The following KIF1B variants were observed in gnomAD, a reference collection of about 807,000 sequenced individuals.
The protein encoded by KIF1B is kinesin-like protein KIF1B.
In KIF1B, 76 loss-of-function variants were observed where a neutral mutation model predicts 241.9. The observed-to-expected ratio is 0.31, with a 90% CI of 0.26 to 0.38. KIF1B has a LOEUF of 0.38. KIF1B is among the 10% of genes least tolerant of loss of function. The pLI, the probability that KIF1B is intolerant of heterozygous loss-of-function variation, is 1.00. For synonymous variants in KIF1B, 750 were observed against 796.7 expected (o/e 0.94, Z 0.99); for missense variants, 1,622 against 2,271.4 (o/e 0.71, Z 5.81).
intron 18 of KIF1B, 74 bp from the exon 19 acceptor site, chr1:10,295,586 G>A: frequency 7.6e-7 from 1 of 1,313,802 alleles, no homozygotes; most frequent in Non-Finnish European, 1.1e-6. Context: ...ATATTCTTTG[G>A]AATAAAGAGG....
At chr1:10,211,857 C>G (rs1482816454) in intron 1 of KIF1B, 1 of 152,026 alleles carries the variant, frequency 6.6e-6, no homozygotes, top group African/African-American at 2.4e-5. Flanking sequence ...GTGCATAGGC[C>G]GATCTGAGAA....
chr1:10,336,741 A>T lies in KIF1B; in HGVS notation c.3128A>T (p.Gln1043Leu). 6.2e-7 allele frequency: 1 copy of T among 1,608,816 alleles called. No individual in the cohort carries two copies. Among genetic ancestry groups the T allele is most frequent in the Non-Finnish European group, 8.5e-7 (1 of 1,175,162 alleles). Residue 1043 changes from glutamine (Q) to leucine (L), a missense_variant and splice_region_variant, in exon 29 of 49, where the codon CAG becomes CTG. Physicochemically the swap from Gln to Leu is moderately radical, Grantham distance 113. Around this residue, in one of 7 missense-constraint regions of KIF1B, gnomAD observed 803 missense variants for 1,112.0 expected, o/e 0.72. Transcript: ENST00000676179. ...TCTTTTGATAATGAATACTTTAATC[A>T]GGTGAGAAACCGTCAGGAAGAAGGA... ...KISFDNEYFN[Q>L]SDFSSVAMTR... is the part of the protein sequence containing the mutation.
Position 10,339,776 on chromosome 1 carries a change from C to T in KIF1B, c.3430C>T (p.His1144Tyr), listed in dbSNP as rs1230762716. The change falls in exon 32 of 49, where the codon CAT becomes TAT. Residue 1144 changes from histidine (H) to tyrosine (Y), a missense_variant. Physicochemically the swap from His to Tyr is moderately conservative, Grantham distance 83. Around this residue, in one of 7 missense-constraint regions of KIF1B, gnomAD observed 803 missense variants for 1,112.0 expected, o/e 0.72. Coordinates refer to ENST00000676179, the MANE Select transcript of KIF1B (RefSeq NM_001365951.3). ...ADIFCQFNFL[H>Y]RHDEAFSTEP... is the part of the protein sequence containing the mutation. Reference sequence around the variant, plus strand: ...TTTATTTTTTTTATGAAGCTTTTTGCATCGCCATGATGAAGCATTCTCCAC... The same window carrying T: ...TTTATTTTTTTTATGAAGCTTTTTGTATCGCCATGATGAAGCATTCTCCAC... 6.2e-7 allele frequency: 1 copy of T among 1,613,694 alleles called. No individual in the cohort carries two copies. The highest frequency in any genetic ancestry group is 8.5e-7 in the Non-Finnish European group (1 of 1,179,752).
chr1:10,340,562 T>C (rs1297848552), intron 32 of KIF1B, among the ~76,000 whole-genome samples: 1 of 152,224 alleles, frequency 6.6e-6, no homozygotes, highest in Non-Finnish European at 1.5e-5. Context: ...AAGTCACTCA[T>C]CAGGCTGGGC....
intron 34 of KIF1B, among the ~76,000 whole-genome samples, chr1:10,344,039 C>A (rs187739312): frequency 6.6e-6 from 1 of 152,300 alleles, no homozygotes; most frequent in Admixed American, 6.5e-5. Flanking sequence ...TCCCACCCCA[C>A]CCTGTGCTCA....
chr1:10,311,911 A>G (rs1651084076), intron 22 of KIF1B, among the ~76,000 whole-genome samples: 1 of 151,476 alleles, frequency 6.6e-6, no homozygotes, highest in Non-Finnish European at 1.5e-5. Flanking sequence ...GTTTTGACTC[A>G]TTGAGTCCTC....
intron 48 of KIF1B, 46 bp from the exon 49 acceptor site, chr1:10,376,499 C>G (rs1395887280): frequency 1.5e-5 from 24 of 1,595,774 alleles, no homozygotes; most frequent in Non-Finnish European, 2.1e-5. Flanking sequence ...GGGGACAAGA[C>G]TTGTACCCAG....
At chr1:10,215,172 A>ATATTT (rs1377684765) in intron 1 of KIF1B, among the ~76,000 whole-genome samples, 8 of 45,360 alleles carry the variant, frequency 1.8e-4, no homozygotes, top group African/African-American at 8.0e-4. Flanking sequence ...ATATATATAT[A>ATATTT]TTTTTTTTTT....
At chr1:10,282,669 T>C in intron 15 of KIF1B, 136 bp downstream of exon 15, 2 of 772,366 alleles carry the variant, frequency 2.6e-6, no homozygotes, top group Non-Finnish European at 2.2e-6. Flanking sequence ...AAAATTGAAT[T>C]TTGTGCTTTG....
At chr1:10,311,415 G>C (rs1475137940) in intron 22 of KIF1B, among the ~76,000 whole-genome samples, 3 of 151,188 alleles carry the variant, frequency 2.0e-5, no homozygotes, top group Non-Finnish European at 4.4e-5. Context: ...GTCTCACCAT[G>C]TTGGCTAGGC....
intron 5 of KIF1B, among the ~76,000 whole-genome samples, chr1:10,263,466 G>A (rs186518950): frequency 1.3e-5 from 2 of 152,006 alleles, no homozygotes; most frequent in Non-Finnish European, 2.9e-5. Context: ...GCGATCTTGA[G>A]ATTTTTTTTC....
chr1:10,285,064 G>A (rs1300030016), intron 15 of KIF1B, among the ~76,000 whole-genome samples: 3 of 152,126 alleles, frequency 2.0e-5, no homozygotes, highest in East Asian at 1.9e-4. Flanking sequence ...AAGAGGAGTG[G>A]TAAGACTCCA....
At chr1:10,252,175 G>A (rs1647487719) in intron 2 of KIF1B, among the ~76,000 whole-genome samples, 2 of 152,046 alleles carry the variant, frequency 1.3e-5, no homozygotes, top group South Asian at 4.2e-4. Flanking sequence ...AAGTAGCTGG[G>A]ATTACAGGTG....
At chr1:10,289,976 T>G (rs1387260236) in intron 15 of KIF1B, among the ~76,000 whole-genome samples, 3 of 152,104 alleles carry the variant, frequency 2.0e-5, no homozygotes, top group African/African-American at 4.8e-5. Context: ...GAGATTTTGT[T>G]CTCTGACATA....
chr1:10,214,048 T>C (rs1034512490), intron 1 of KIF1B, among the ~76,000 whole-genome samples: 2 of 151,716 alleles, frequency 1.3e-5, no homozygotes, highest in Non-Finnish European at 2.9e-5. Flanking sequence ...GTGGGGAGGA[T>C]GGCTTGAGTT....
chr1:10,265,148 T>C (rs1212848700), intron 5 of KIF1B, among the ~76,000 whole-genome samples: 2 of 152,054 alleles, frequency 1.3e-5, no homozygotes, highest in Non-Finnish European at 2.9e-5. Flanking sequence ...AGTGCTAAGA[T>C]TACAGGCATG....
intron 15 of KIF1B, among the ~76,000 whole-genome samples, chr1:10,286,730 A>G (rs1047507065): frequency 6.6e-6 from 1 of 152,238 alleles, no homozygotes; most frequent in Non-Finnish European, 1.5e-5. Flanking sequence ...TGCTATACAA[A>G]TAACTAGAGA....
At chr1:10,216,556 G>A (rs1208046105) in intron 1 of KIF1B, among the ~76,000 whole-genome samples, 1 of 152,122 alleles carries the variant, frequency 6.6e-6, no homozygotes, top group Non-Finnish European at 1.5e-5. Context: ...CCGTGTCATG[G>A]AGAAACCTGC....
At chr1:10,362,812 T>C (rs913643874) in intron 40 of KIF1B, among the ~76,000 whole-genome samples, 3 of 152,230 alleles carry the variant, frequency 2.0e-5, no homozygotes, top group Non-Finnish European at 4.4e-5. Context: ...GGCTTATGCC[T>C]ATAATCTCAG....
Sources: gnomAD v4.1 joint callset for allele counts (sites outside exome capture counted in the v4.1 genomes callset) on GRCh38, gnomAD v4.1.1 for gene constraint, gnomAD v4.1.1 regional missense constraint, MANE v1.5 for transcripts, NCBI Gene and HGNC (gene_info 2026-07-23, HGNC 2026-07-21) for gene names.